The following USP36 variants were observed in gnomAD, a reference collection of about 807,000 sequenced individuals.
USP36 encodes the protein ubiquitin carboxyl-terminal hydrolase 36.
USP36 carries 59 observed loss-of-function variants against 111.5 expected under a neutral mutation model. The ratio of observed to expected loss-of-function variants is 0.53; its 90% CI spans 0.43 to 0.66. The LOEUF is 0.66. Among genes scored for constraint, USP36 ranks in the 30% least tolerant of loss-of-function variants. USP36 has a pLI of 0.00. For missense variants in USP36, 1,488 were observed against 1,468.0 expected, an observed-to-expected ratio of 1.01 and a Z score of -0.22; for synonymous variants, 628 against 581.0, an observed-to-expected ratio of 1.08 and a Z score of -1.16.
chr17:78,820,901 G>T, intron 8 of USP36, 90 bp downstream of exon 8: 1 of 1,374,228 alleles, frequency 7.3e-7, no homozygotes, highest in Non-Finnish European at 1.0e-6. Flanking sequence ...TATCTATTTT[G>T]ATCTGATGCC....
intron 6 of USP36, among the ~76,000 whole-genome samples, chr17:78,825,208 A>G (rs1478134445): frequency 1.3e-5 from 2 of 152,218 alleles, no homozygotes; most frequent in Non-Finnish European, 2.9e-5. Context: ...AGCATGCAGG[A>G]AACATTCACA....
intron 13 of USP36, among the ~76,000 whole-genome samples, chr17:78,811,787 G>C (rs903032443): frequency 6.6e-6 from 1 of 152,106 alleles, no homozygotes; most frequent in Non-Finnish European, 1.5e-5. Flanking sequence ...AGAATCGCTT[G>C]AACCTGGGAG....
At chr17:78,818,599 T>A (rs1344619892) in intron 10 of USP36, 68 bp downstream of exon 10, 2 of 1,420,372 alleles carry the variant, frequency 1.4e-6, no homozygotes, top group Admixed American at 3.4e-5. Flanking sequence ...GGCTATCACT[T>A]TCTTCGTGTT....
chr17:78,793,180 C>T (rs2093597820), downstream of USP36, among the ~76,000 whole-genome samples: 1 of 152,126 alleles, frequency 6.6e-6, no homozygotes, highest in African/African-American at 2.4e-5. Flanking sequence ...GGGAGAGGAG[C>T]TGGTTTTAGC....
At position 78,803,981 on chromosome 17, in the gene USP36, G is replaced by C; in HGVS notation, c.2217-3C>G. The C allele has an allele frequency of 6.3e-7, 1 of 1,576,400 alleles. No homozygotes were observed. The highest frequency in any genetic ancestry group is 8.6e-7 in the Non-Finnish European group (1 of 1,164,018). ...ATTGGGGAGCAGGTGACACAGCCCT[G>C]TGGGGACAGCCAGGAAACAGGGAGA... On this transcript the variant is annotated splice_region_variant and splice_polypyrimidine_tract_variant and intron_variant, in intron 15 of 20. Coordinates refer to ENST00000449938, the MANE Select transcript of USP36 (RefSeq NM_001385174.1). This position sits in a 1 kb window ranked among gnomAD's most constrained non-coding sequence, Gnocchi z 4.6.
intron 13 of USP36, among the ~76,000 whole-genome samples, chr17:78,808,576 T>C (rs1482903575): frequency 6.6e-6 from 1 of 152,232 alleles, no homozygotes; most frequent in Non-Finnish European, 1.5e-5. Flanking sequence ...GACATTTTAC[T>C]ATATATACTA....
intron 13 of USP36, 47 bp from the exon 14 acceptor site, chr17:78,807,683 C>T: frequency 6.7e-7 from 1 of 1,496,512 alleles, no homozygotes; most frequent in East Asian, 2.3e-5. Context: ...CGAGAAGTCT[C>T]AGCTGGGCCA....
intron 6 of USP36, among the ~76,000 whole-genome samples, chr17:78,825,717 G>A (rs747176903): frequency 4.6e-5 from 7 of 152,086 alleles, no homozygotes; most frequent in Non-Finnish European, 1.0e-4. Flanking sequence ...TGAAGCCCAG[G>A]GGTCAGTTTC....
At chr17:78,828,762 T>A in intron 5 of USP36, 135 bp downstream of exon 5, 2 of 816,598 alleles carry the variant, frequency 2.4e-6, no homozygotes, top group Non-Finnish European at 3.8e-6. Context: ...CCCAACACTT[T>A]GGCAGGCCAA....
At chr17:78,810,267 G>A (rs2094017220) in intron 13 of USP36, among the ~76,000 whole-genome samples, 1 of 151,602 alleles carries the variant, frequency 6.6e-6, no homozygotes, top group Non-Finnish European at 1.5e-5. Context: ...CTGTGCTGAT[G>A]GGATCTATGT....
At chr17:78,831,720 A>T (rs1287495490) in intron 4 of USP36, among the ~76,000 whole-genome samples, 2 of 152,024 alleles carry the variant, frequency 1.3e-5, no homozygotes, top group East Asian at 3.9e-4. Context: ...ACGCAGGAGG[A>T]TCGCTGAGCC....
rs1374523215 is a variant in USP36 at position 78,836,123 on chromosome 17, C to T, written c.241G>A (p.Ala81Thr). ...TGCACATCTGTACCCTGTCTCCTGG[C>T]CGGTGGGTCATCTCCACTCTTGTGG... ...SRHKSGDDPP[A>T]RRQGSEHTYE... is the part of the protein sequence containing the mutation. The change falls in exon 3 of 21, where the codon GCC becomes ACC. Residue 81 changes from alanine to threonine, a missense_variant. Coordinates refer to ENST00000449938, the MANE Select transcript of USP36 (RefSeq NM_001385174.1). 1 of 1,613,456 alleles carries T rather than the reference C, an allele frequency of 6.2e-7. No individual in the cohort carries two copies. The highest frequency in any genetic ancestry group is 8.5e-7 in the Non-Finnish European group (1 of 1,180,042).
intron 9 of USP36, among the ~76,000 whole-genome samples, chr17:78,819,260 T>G (rs1257164989): frequency 6.6e-6 from 1 of 152,132 alleles, no homozygotes; most frequent in Admixed American, 6.5e-5. Context: ...TATTCTTTAG[T>G]GCCTACAGCT....
chr17:78,808,996 T>C (rs2093984969), intron 13 of USP36, among the ~76,000 whole-genome samples: 1 of 152,188 alleles, frequency 6.6e-6, no homozygotes, highest in African/African-American at 2.4e-5. Flanking sequence ...CCAAACTGCT[T>C]TTACTATACT....
At chr17:78,824,641 A>G (rs562807610) in intron 6 of USP36, among the ~76,000 whole-genome samples, 1 of 152,356 alleles carries the variant, frequency 6.6e-6, no homozygotes, top group Non-Finnish European at 1.5e-5. Context: ...AATCAGAAAT[A>G]AGCACAGTAA....
chr17:78,819,018 A>C, intron 9 of USP36: 1 of 396,082 alleles, frequency 2.5e-6, no homozygotes, highest in Non-Finnish European at 4.7e-6. Flanking sequence ...AAATAAAAGT[A>C]CTGTACCCAC....
chr17:78,802,269 A>G, intron 17 of USP36, 55 bp downstream of exon 17: 1 of 836,260 alleles, frequency 1.2e-6, no homozygotes, highest in Non-Finnish European at 1.6e-6. Flanking sequence ...GCGGTCCCCC[A>G]ACCCCTCGCC....
downstream of USP36, among the ~76,000 whole-genome samples, chr17:78,790,859 G>A (rs894245741): frequency 2.0e-5 from 3 of 152,132 alleles, no homozygotes; most frequent in Non-Finnish European, 4.4e-5. Flanking sequence ...TTAAGGGAGT[G>A]GCAATCTTGT....
At position 78,806,266 on chromosome 17, in the gene USP36, C is replaced by T. The variant is rs376419872; in HGVS notation, c.2106G>A (p.Ala702=). The T allele has an allele frequency of 1.1e-5, 17 of 1,613,674 alleles. No homozygotes were observed. Among genetic ancestry groups the T allele is most frequent in the Middle Eastern group, 1.7e-4 (1 of 5,924 alleles). The change falls in exon 15 of 21, where the codon GCG becomes GCA. Residue 702 remains alanine (A), a synonymous_variant. Transcript: ENST00000449938. ...SAKKASTLWR[A]TGNDLRPPPP... ...GAGGTGGACGGAGGTCATTGCCGGTCGCCCTCCACAGGGTGCTGGCCTGCA... is the reference window on the plus strand; with the variant it reads ...GAGGTGGACGGAGGTCATTGCCGGTTGCCCTCCACAGGGTGCTGGCCTGCA...
Sources: allele counts gnomAD v4.1 joint callset (sites outside exome capture counted in the v4.1 genomes callset), GRCh38; gene constraint gnomAD v4.1.1; non-coding constraint Gnocchi (gnomAD v3.1); transcripts MANE v1.5; gene names NCBI Gene and HGNC (gene_info 2026-07-23, HGNC 2026-07-21).